WDR47: variants seen among roughly 807,000 people sequenced by gnomAD.
WDR47 encodes WD repeat domain 47, also known as WD repeat-containing protein 47.
A neutral mutation model predicts 97.2 loss-of-function variants in WDR47; 32 were observed. The ratio of observed to expected loss-of-function variants is 0.33; its 90% CI spans 0.25 to 0.44. The LOEUF (loss-of-function observed/expected upper bound fraction) is 0.44, where lower values mean the gene tolerates loss of function less well. Among genes scored for constraint, WDR47 ranks in the 20% least tolerant of loss-of-function variants. The pLI, the probability that WDR47 is intolerant of heterozygous loss-of-function variation, is 1.00. For missense variants in WDR47, 782 were observed against 1,102.3 expected, an observed-to-expected ratio of 0.71 and a Z score of 4.11; for synonymous variants, 375 against 373.5, an observed-to-expected ratio of 1.00 and a Z score of -0.05.
chr1:108,986,884 C>A (rs1189966192), intron 9 of WDR47: 6 of 441,898 alleles, frequency 1.4e-5, no homozygotes, highest in South Asian at 1.2e-4. Context: ...AACACACAGA[C>A]AAGTAGGCTA....
chr1:108,983,238 T>C (rs1658484426), intron 11 of WDR47, 44 bp downstream of exon 11: 8 of 1,530,604 alleles, frequency 5.2e-6, no homozygotes, highest in Non-Finnish European at 7.0e-6. Context: ...AAACATAACA[T>C]ATACACTGGT....
intron 13 of WDR47, 38 bp from the exon 14 acceptor site, chr1:108,974,792 C>A (rs777346942): frequency 6.7e-7 from 1 of 1,487,872 alleles, no homozygotes; most frequent in Non-Finnish European, 9.2e-7. Flanking sequence ...TACAGAAAAT[C>A]AATATACCCA....
intron 7 of WDR47, among the ~76,000 whole-genome samples, chr1:108,999,843 G>C (rs1660047423): frequency 6.6e-6 from 1 of 152,088 alleles, no homozygotes; most frequent in Admixed American, 6.6e-5. Flanking sequence ...CTAGATATCT[G>C]CTCTCACTGC....
At chr1:109,040,547 G>A (rs1304654311) in intron 1 of WDR47, among the ~76,000 whole-genome samples, 1 of 151,908 alleles carries the variant, frequency 6.6e-6, no homozygotes, top group Non-Finnish European at 1.5e-5. Context: ...TCTTCATAAT[G>A]GCATCCAAAT....
chr1:109,027,187 T>A (rs370210221), intron 1 of WDR47, among the ~76,000 whole-genome samples: 1 of 152,004 alleles, frequency 6.6e-6, no homozygotes, highest in East Asian at 1.9e-4. Context: ...CCTGGGTAGC[T>A]GGGATTACAG....
chr1:108,982,555 A>C, intron 12 of WDR47, 54 bp downstream of exon 12: 1 of 1,536,870 alleles, frequency 6.5e-7, no homozygotes, highest in South Asian at 1.3e-5. Context: ...GAGAGGAAAA[A>C]AAAGCACAGA....
At chr1:109,014,771 G>T (rs951889476) in intron 3 of WDR47, among the ~76,000 whole-genome samples, 5 of 152,002 alleles carry the variant, frequency 3.3e-5, no homozygotes, top group African/African-American at 1.2e-4. Flanking sequence ...TTTTCAGAGG[G>T]GAAGGGATAG....
At chr1:109,041,679 G>GACCCCAGCCCCCTCCCAGTCGGC (rs1473098168) in intron 1 of WDR47, 183 bp downstream of exon 1, 6 of 152,318 alleles carry the variant, frequency 3.9e-5, no homozygotes, top group Non-Finnish European at 8.8e-5. Flanking sequence ...CCTCACCCAC[G>GACCCCAGCCCCCTCCCAGTCGGC]ACCCCAGCCC....
At chr1:108,999,035 G>C (rs987878124) in intron 7 of WDR47, among the ~76,000 whole-genome samples, 11 of 151,986 alleles carry the variant, frequency 7.2e-5, no homozygotes, top group African/African-American at 2.7e-4. Flanking sequence ...AGACCAGCCT[G>C]ACCAACATGG....
chr1:109,021,675 C>T (rs1661852155), intron 2 of WDR47, among the ~76,000 whole-genome samples: 2 of 152,090 alleles, frequency 1.3e-5, no homozygotes, highest in South Asian at 2.1e-4. Flanking sequence ...TACAGGCATG[C>T]ACCACTATGC....
chr1:108,990,461 A>G (rs1010218933), intron 9 of WDR47, among the ~76,000 whole-genome samples: 1 of 152,086 alleles, frequency 6.6e-6, no homozygotes, highest in Non-Finnish European at 1.5e-5. Flanking sequence ...CAACTGCCTC[A>G]GCCTCCCAAA....
chr1:109,007,306 G>A (rs1046044804), intron 5 of WDR47, among the ~76,000 whole-genome samples: 10 of 149,254 alleles, frequency 6.7e-5, no homozygotes, highest in Non-Finnish European at 1.3e-4. Context: ...TGGTCTAGTT[G>A]AGCTTCTATA....
intron 1 of WDR47, among the ~76,000 whole-genome samples, chr1:109,039,116 T>G (rs1663164627): frequency 6.6e-6 from 1 of 152,146 alleles, no homozygotes; most frequent in Admixed American, 6.6e-5. Context: ...CAGGAGAAGT[T>G]CAGGTGGGTA....
chr1:109,029,937 G>T, intron 1 of WDR47: 1 of 360,018 alleles, frequency 2.8e-6, no homozygotes, highest in Non-Finnish European at 4.9e-6. Flanking sequence ...TTGACTCTGT[G>T]TATTTCCATA....
At chr1:108,987,099 A>C (rs1658887494) in intron 9 of WDR47, 1 of 192,180 alleles carries the variant, frequency 5.2e-6, no homozygotes, top group East Asian at 1.7e-4. Flanking sequence ...TGTTTCTCTA[A>C]GCTTCATTAC....
At chr1:109,027,376 G>A (rs1317016317) in intron 1 of WDR47, among the ~76,000 whole-genome samples, 2 of 151,484 alleles carry the variant, frequency 1.3e-5, no homozygotes, top group African/African-American at 4.9e-5. Flanking sequence ...ATTCTTATAA[G>A]CTTCACTGTT....
At chr1:108,997,713 T>C (rs1659863070) in intron 7 of WDR47, among the ~76,000 whole-genome samples, 1 of 126,206 alleles carries the variant, frequency 7.9e-6, no homozygotes, top group Non-Finnish European at 1.5e-5. Context: ...TGAGCCGAGA[T>C]AGTGCCACTG....
chr1:109,008,444 G>A (rs1660790410), intron 5 of WDR47, among the ~76,000 whole-genome samples: 6 of 151,804 alleles, frequency 4.0e-5, no homozygotes, highest in Admixed American at 3.9e-4. Context: ...TGTATTTTTA[G>A]TAGAGATGGG....
At chr1:109,030,085 T>G in intron 1 of WDR47, 5 of 804,962 alleles carry the variant, frequency 6.2e-6, no homozygotes, top group Non-Finnish European at 9.2e-6. Flanking sequence ...GCAAAAGATC[T>G]CCTTCATCCC....
Sources: gnomAD v4.1 joint callset for allele counts (sites outside exome capture counted in the v4.1 genomes callset) on GRCh38, gnomAD v4.1.1 for gene constraint, MANE v1.5 for transcripts, NCBI Gene and HGNC (gene_info 2026-07-23, HGNC 2026-07-21) for gene names.